Variants in UPRT observed in about 807,000 individuals in gnomAD.
UPRT encodes uracil phosphoribosyltransferase homolog.
A neutral mutation model predicts 22.6 loss-of-function variants in UPRT; 5 were observed. That is an observed-to-expected ratio of 0.22 (90% CI 0.12 to 0.47). The LOEUF is 0.47. Among genes scored for constraint, UPRT ranks in the 20% least tolerant of loss-of-function variants. UPRT has a pLI of 0.99. For synonymous variants in UPRT, 77 were observed against 87.7 expected (o/e 0.88, Z 0.68); for missense variants, 181 against 239.9 (o/e 0.75, Z 1.62).
Position 75,290,100 on chromosome X carries a change from T to C in UPRT, c.387-3372T>C, listed in dbSNP as rs186387919. Among the ~76,000 whole-genome samples, 5 of 111,509 alleles carry C rather than the reference T, an allele frequency of 4.5e-5. No individual in the cohort carries two copies. The Admixed American group carries it at 4.8e-4, about 11-fold the overall frequency. On this transcript the variant is annotated intron_variant, in intron 1 of 6. Transcript: ENST00000373383. ...AAATCTGTAAGGAACTTAAACACAT[T>C]GAACGAGCAAAAAACAAAGAACCCC...
chrX:75,247,657 C>A (rs189546004), intron 4 of UPRT, among the ~76,000 whole-genome samples: 3 of 112,691 alleles, frequency 2.7e-5, no homozygotes, highest in Non-Finnish European at 3.8e-5. Context: ...GGGGGCAGGG[C>A]ACAAACAAAA....
intron 6 of UPRT, among the ~76,000 whole-genome samples, chrX:75,302,286 A>C (rs1419182306): frequency 8.9e-6 from 1 of 111,847 alleles, no homozygotes; most frequent in Non-Finnish European, 1.9e-5. Flanking sequence ...CACAGGTGGC[A>C]TTGAAAATAT....
At chrX:75,258,843 GGCCAACAGAC>G (rs1285348599) in intron 4 of UPRT, among the ~76,000 whole-genome samples, 1 of 111,865 alleles carries the variant, frequency 8.9e-6, no homozygotes, top group Non-Finnish European at 1.9e-5. Flanking sequence ...TCCCAGTAGG[GGCCAACAGAC>G]ACCTCATACA....
rs2082725163 is a variant in UPRT, at chrX:75,296,202, TA to T, written c.430-139del. On this transcript the variant is annotated intron_variant, in intron 2 of 6. Coordinates refer to ENST00000373383, the MANE Select transcript of UPRT (RefSeq NM_145052.4). ...ATCTATCCCTGTATCTAACACATGATAGGGGGCCCCTTACTGCCTCCACAAG... is the reference window on the plus strand; with the variant it reads ...ATCTATCCCTGTATCTAACACATGATGGGGGCCCCTTACTGCCTCCACAAG... 1.1e-5 allele frequency: 5 copies of T among 474,807 alleles called. 1 individual carries two copies. In the Middle Eastern group the frequency reaches 2.3e-3, roughly 219 times the overall value. The allele number at this position is 474,807 out of a possible 1,213,427, so 39.1% of individuals were successfully genotyped here. A position where few individuals can be genotyped will look rare whatever the true frequency, so the allele number is the denominator to read the frequency against.
At chrX:75,158,854 C>A (rs1181992010) in intron 1 of UPRT, among the ~76,000 whole-genome samples, 1 of 111,320 alleles carries the variant, frequency 9.0e-6, no homozygotes, top group Non-Finnish European at 1.9e-5. Context: ...AAGAGGCCAC[C>A]CCCTGTCCCC....
At chrX:75,302,706 C>T (rs1282747147) in intron 6 of UPRT, among the ~76,000 whole-genome samples, 2 of 110,530 alleles carry the variant, frequency 1.8e-5, no homozygotes, top group African/African-American at 6.6e-5. Context: ...TTTCTTATGC[C>T]AAATCACTCT....
chrX:75,215,587 A>T (rs1602456755), intron 4 of UPRT, among the ~76,000 whole-genome samples: 1 of 111,983 alleles, frequency 8.9e-6, no homozygotes, highest in Non-Finnish European at 1.9e-5. Context: ...TATTATGAAC[A>T]ACTCTATATT....
intron 4 of UPRT, among the ~76,000 whole-genome samples, chrX:75,244,530 C>A (rs1289873246): frequency 9.0e-6 from 1 of 111,495 alleles, no homozygotes; most frequent in Non-Finnish European, 1.9e-5. Flanking sequence ...GCTACAGTAA[C>A]CAAAATAGCA....
chrX:75,254,269 A>T (rs2082541742), intron 4 of UPRT, among the ~76,000 whole-genome samples: 1 of 111,900 alleles, frequency 8.9e-6, no homozygotes. Flanking sequence ...AGCTCATGGA[A>T]GGAAATTTAA....
At chrX:75,181,554 C>G (rs927295948) in intron 4 of UPRT, among the ~76,000 whole-genome samples, 2 of 111,003 alleles carry the variant, frequency 1.8e-5, no homozygotes, top group Admixed American at 1.9e-4. Context: ...TTGTACAGGT[C>G]TTTCACCTCC....
At chrX:75,232,174 T>G (rs1311217210) in intron 4 of UPRT, among the ~76,000 whole-genome samples, 1 of 111,520 alleles carries the variant, frequency 9.0e-6, no homozygotes, top group African/African-American at 3.3e-5. Context: ...AAGAAAGGGG[T>G]GACAGACGGC....
intron 4 of UPRT, among the ~76,000 whole-genome samples, chrX:75,177,715 T>C (rs889186509): frequency 3.6e-5 from 4 of 111,700 alleles, no homozygotes; most frequent in African/African-American, 1.3e-4. Flanking sequence ...GTTAGGCCTG[T>C]TAGTCTGAGG....
At chrX:75,221,572 A>G (rs2082410728) in intron 4 of UPRT, among the ~76,000 whole-genome samples, 1 of 111,522 alleles carries the variant, frequency 9.0e-6, no homozygotes, top group Non-Finnish European at 1.9e-5. Flanking sequence ...CTTCAAGCTC[A>G]CTAATTCTTC....
chrX:75,173,660 C>T (rs903320248), intron 4 of UPRT, among the ~76,000 whole-genome samples: 11 of 112,184 alleles, frequency 9.8e-5, no homozygotes, highest in Non-Finnish European at 1.7e-4. Flanking sequence ...AAGTGCTCGT[C>T]GGGGAGGCTC....
At chrX:75,246,735 C>T (rs1018596523) in intron 4 of UPRT, among the ~76,000 whole-genome samples, 4 of 111,384 alleles carry the variant, frequency 3.6e-5, no homozygotes, top group Non-Finnish European at 5.7e-5. Context: ...TAAAAGTGTT[C>T]CTATTTCTCC....
chrX:75,186,831 A>G (rs1294575522), intron 4 of UPRT, among the ~76,000 whole-genome samples: 2 of 111,382 alleles, frequency 1.8e-5, no homozygotes, highest in African/African-American at 6.6e-5. Context: ...TTTATCAGAG[A>G]CTAGGATTGC....
At chrX:75,258,066 T>A (rs1602477983) in intron 4 of UPRT, among the ~76,000 whole-genome samples, 1 of 110,505 alleles carries the variant, frequency 9.0e-6, no homozygotes, top group Admixed American at 9.6e-5. Flanking sequence ...CCAGATACTG[T>A]GCTTTTCCCA....
chrX:75,303,279 G>T, intron 6 of UPRT, 126 bp from the exon 7 acceptor site: 1 of 489,865 alleles, frequency 2.0e-6, no homozygotes, highest in Non-Finnish European at 3.5e-6. Context: ...GTCTGATTAG[G>T]TATCCAAAGA....
At chrX:75,264,318 T>C (rs1160020005) in intron 4 of UPRT, among the ~76,000 whole-genome samples, 1 of 111,668 alleles carries the variant, frequency 9.0e-6, no homozygotes, top group Non-Finnish European at 1.9e-5. Flanking sequence ...ATGTTGACAG[T>C]GGAGTGTTAA....
Sources: gnomAD v4.1 joint callset for allele counts (sites outside exome capture counted in the v4.1 genomes callset) on GRCh38, gnomAD v4.1.1 for gene constraint, MANE v1.5 for transcripts, NCBI Gene and HGNC (gene_info 2026-07-23, HGNC 2026-07-21) for gene names.